The following GLIS3 variants were observed in gnomAD, a reference collection of about 807,000 sequenced individuals.
GLIS3 encodes zinc finger protein GLIS3.
In GLIS3, 53 loss-of-function variants were observed where a neutral mutation model predicts 78.6. The observed-to-expected ratio is 0.67, with a 90% confidence interval of 0.54 to 0.85. The LOEUF is 0.85. Ranked by LOEUF, GLIS3 falls within the 40% of genes least tolerant of loss-of-function variation. The pLI, the probability that GLIS3 is intolerant of heterozygous loss-of-function variation, is 0.00. For synonymous variants in GLIS3, 684 were observed against 509.9 expected (o/e 1.34, Z -4.60); for missense variants, 1,703 against 1,231.1 (o/e 1.38, Z -5.74).
intron 2 of GLIS3, among the ~76,000 whole-genome samples, chr9:4,214,706 A>C (rs1227470266): frequency 1.3e-5 from 2 of 152,208 alleles, no homozygotes; most frequent in Non-Finnish European, 2.9e-5. Context: ...CCTAAGACCA[A>C]GGTTATTTCA....
chr9:3,984,848 G>A (rs566076717), intron 4 of GLIS3, among the ~76,000 whole-genome samples: 88 of 152,220 alleles, frequency 5.8e-4, no homozygotes, highest in Middle Eastern at 6.8e-3. Context: ...CACTGTTCTC[G>A]TAATAGTGAA....
chr9:4,256,036 A>AT lies in GLIS3; in HGVS notation c.388+30001dup, dbSNP rs201913239. Among the ~76,000 whole-genome samples the AT allele has an allele frequency of 5.3e-5, 8 of 150,850 alleles. No individual in the cohort carries two copies. The East Asian group carries it at 5.8e-4, about 11-fold the overall frequency. On this transcript the variant is annotated intron_variant, in intron 2 of 10. Transcript: ENST00000381971. ...TAAAACTGTTCTAAAAACTAAGTCT[A>AT]TTTTTTTTTTAAAAAAGGATAACAA...
chr9:4,117,349 C>T (rs1442290989), intron 4 of GLIS3, among the ~76,000 whole-genome samples: 1 of 152,198 alleles, frequency 6.6e-6, no homozygotes, highest in African/African-American at 2.4e-5. Flanking sequence ...CTCTTCTCTC[C>T]ATCCCAATTC....
chr9:4,155,132 C>T (rs1041729848), intron 2 of GLIS3, among the ~76,000 whole-genome samples: 3 of 151,926 alleles, frequency 2.0e-5, no homozygotes, highest in Admixed American at 6.6e-5. Flanking sequence ...ATTCTTTTTT[C>T]GGTATTTAAA....
intron 9 of GLIS3, among the ~76,000 whole-genome samples, chr9:3,850,439 A>C (rs891637008): frequency 3.3e-5 from 5 of 152,224 alleles, no homozygotes; most frequent in Admixed American, 6.5e-5. Flanking sequence ...TTGTCTAGGA[A>C]AGACTGTATG....
At chr9:4,460,924 C>T in the GLIS3 span, among the ~76,000 whole-genome samples, 2,123 of 152,210 alleles carry the variant, frequency 0.014, 49 homozygotes, top group African/African-American at 0.048. Context: ...CTTATTAATT[C>T]TTTGATACTA....
chr9:3,897,845 G>C (rs977092041), intron 7 of GLIS3, among the ~76,000 whole-genome samples: 1 of 152,202 alleles, frequency 6.6e-6, no homozygotes, highest in Non-Finnish European at 1.5e-5. Context: ...AAAACAGTCT[G>C]CTGCCAAACC....
chr9:4,233,300 G>A (rs1367825235), intron 2 of GLIS3, among the ~76,000 whole-genome samples: 1 of 152,180 alleles, frequency 6.6e-6, no homozygotes, highest in Non-Finnish European at 1.5e-5. Flanking sequence ...GCACTAGACA[G>A]GCCCCCTCCA....
At chr9:4,359,319 T>C in the GLIS3 span, among the ~76,000 whole-genome samples, 2 of 152,174 alleles carry the variant, frequency 1.3e-5, no homozygotes, top group Non-Finnish European at 2.9e-5. Flanking sequence ...CTCCTTACCT[T>C]ACTGCCTTTA....
In GLIS3 at chr9:4,125,749, G is replaced by A. The variant is rs1336871857; in HGVS notation, c.581C>T (p.Pro194Leu). ...AACTTGAGACCTGGTATCTGAAGGA[G>A]GTATATTCAGGTTGGCTGCATTCAT... is the stretch of plus-strand genomic sequence containing the variant. Reference protein sequence around the residue: ...RAMNAANLNIPPSDTRSLISR... With the variant: ...RAMNAANLNILPSDTRSLISR... Residue 194 changes from proline to leucine, a missense_variant, in exon 3 of 11, where the codon CCT (proline) becomes CTT (leucine). Transcript: ENST00000381971. The A allele has an allele frequency of 4.3e-6, 7 of 1,613,226 alleles. No individual in the cohort carries two copies. Among genetic ancestry groups the A allele is most frequent in the Non-Finnish European group, 5.1e-6 (6 of 1,179,598 alleles).
chr9:3,899,410 A>T (rs1055328964), intron 6 of GLIS3, among the ~76,000 whole-genome samples: 1 of 139,742 alleles, frequency 7.2e-6, no homozygotes, highest in African/African-American at 2.7e-5. Context: ...GATCTTATAC[A>T]TTAAAGAGTT....
chr9:3,921,547 A>C (rs1323866688), intron 6 of GLIS3, among the ~76,000 whole-genome samples: 1 of 152,228 alleles, frequency 6.6e-6, no homozygotes, highest in Non-Finnish European at 1.5e-5. Context: ...AGTTTAAACA[A>C]AATAGTGGAA....
intron 2 of GLIS3, among the ~76,000 whole-genome samples, chr9:4,269,024 T>C (rs1483505490): frequency 6.6e-6 from 1 of 152,250 alleles, no homozygotes; most frequent in Non-Finnish European, 1.5e-5. Flanking sequence ...TAGCAGCCTC[T>C]TTCCCTGACT....
intron 4 of GLIS3, among the ~76,000 whole-genome samples, chr9:3,965,386 G>T (rs1172685848): frequency 2.6e-5 from 4 of 151,628 alleles, no homozygotes; most frequent in African/African-American, 9.7e-5. Flanking sequence ...TAGAGAGGGG[G>T]TTTCACTATG....
intron 2 of GLIS3, among the ~76,000 whole-genome samples, chr9:4,132,640 G>C (rs1053205578): frequency 1.3e-5 from 2 of 152,004 alleles, no homozygotes; most frequent in Non-Finnish European, 1.5e-5. Flanking sequence ...GATTAACCCA[G>C]TCCCCCATGG....
chr9:4,366,219 A>G, the GLIS3 span, among the ~76,000 whole-genome samples: 1 of 152,252 alleles, frequency 6.6e-6, no homozygotes, highest in Non-Finnish European at 1.5e-5. Flanking sequence ...CAACCAAAGC[A>G]AAGCAGTTCA....
chr9:3,900,484 A>ACC (rs33918149), intron 6 of GLIS3, among the ~76,000 whole-genome samples: 27 of 151,814 alleles, frequency 1.8e-4, no homozygotes, highest in African/African-American at 5.8e-4. Flanking sequence ...GAAGATTTGT[A>ACC]CCCCCCCCAA....
At chr9:4,269,881 G>C (rs1423240013) in intron 2 of GLIS3, among the ~76,000 whole-genome samples, 2 of 152,164 alleles carry the variant, frequency 1.3e-5, no homozygotes, top group Non-Finnish European at 2.9e-5. Context: ...TGGGTAGAAA[G>C]TGAAACCTGG....
chr9:4,353,994 T>G, the GLIS3 span, among the ~76,000 whole-genome samples: 1 of 18,462 alleles, frequency 5.4e-5, no homozygotes, highest in South Asian at 2.1e-3. Flanking sequence ...CACCCGGCTA[T>G]TTTTTTTTTT....
Sources: allele counts gnomAD v4.1 joint callset (sites outside exome capture counted in the v4.1 genomes callset), GRCh38; gene constraint gnomAD v4.1.1; transcripts MANE v1.5; gene names NCBI Gene and HGNC (gene_info 2026-07-23, HGNC 2026-07-21).